Variants in GPR137 observed in about 807,000 individuals in gnomAD.
GPR137 encodes the protein integral membrane protein GPR137.
In GPR137, 20 loss-of-function variants were observed where a neutral mutation model predicts 38.9. The observed-to-expected ratio is 0.51, with a 90% CI of 0.36 to 0.75. The LOEUF is 0.75. Ranked by LOEUF, GPR137 falls within the 30% of genes least tolerant of loss-of-function variation. GPR137 has a pLI of 0.00. For missense variants in GPR137, 456 were observed against 526.4 expected, an observed-to-expected ratio of 0.87 and a Z score of 1.31; for synonymous variants, 226 against 235.8, an observed-to-expected ratio of 0.96 and a Z score of 0.38.
intron 1 of GPR137, among the ~76,000 whole-genome samples, chr11:64,276,084 G>A (rs1314247540): frequency 6.6e-6 from 1 of 152,064 alleles, no homozygotes; most frequent in Non-Finnish European, 1.5e-5. Context: ...TGTACCTTGG[G>A]CTGCCTTGGA....
In GPR137 at chr11:64,288,023, A is replaced by G. The variant is rs1475403084; in HGVS notation, c.634-42A>G. 1.2e-6 allele frequency: 2 copies of G among 1,604,590 alleles called. No homozygotes were observed. Among genetic ancestry groups the G allele is most frequent in the Admixed American group, 3.3e-5 (2 of 59,974 alleles). On this transcript the variant is annotated intron_variant, in intron 3 of 6. Coordinates refer to ENST00000438980, the MANE Select transcript of GPR137 (RefSeq NM_001170880.2). The surrounding 1 kb of genome is among the most constrained non-coding windows in gnomAD (Gnocchi z 5.5). ...TTCTCAGGGTGTAGAGGAAGCTGGG[A>G]GCCTTCTCTCCCTGAGGGTCCTCTG...
At chr11:64,281,217 C>G (rs545112206), upstream of GPR137, among the ~76,000 whole-genome samples, 1 of 152,202 alleles carries the variant, frequency 6.6e-6, no homozygotes, top group Non-Finnish European at 1.5e-5. Context: ...CTGCCCACCT[C>G]GAACTACCAA....
chr11:64,273,721 A>G (rs2032816731), upstream of GPR137, among the ~76,000 whole-genome samples: 1 of 152,044 alleles, frequency 6.6e-6, no homozygotes, highest in Admixed American at 6.6e-5. Flanking sequence ...CTCTACTAAA[A>G]ATACAAAAAA....
intron 2 of GPR137, among the ~76,000 whole-genome samples, chr11:64,277,309 C>A: frequency 6.6e-6 from 1 of 152,238 alleles, no homozygotes; most frequent in East Asian, 1.9e-4. Flanking sequence ...CCGCCTCCGG[C>A]ACCTGTAGGC....
At chr11:64,284,091 GC>G, upstream of GPR137, 1 of 1,441,156 alleles carries the variant, frequency 6.9e-7, no homozygotes, top group East Asian at 2.3e-5. Context: ...CCGACCCAAA[GC>G]ATTCAGTGCC....
upstream of GPR137, chr11:64,284,234 C>A (rs199973522): frequency 7.5e-6 from 12 of 1,608,196 alleles, no homozygotes; most frequent in Non-Finnish European, 1.0e-5. Flanking sequence ...TGGCGTCCCA[C>A]AGGAGGCCTG....
Position 64,288,700 on chromosome 11 carries a change from A to C in GPR137, c.1010A>C (p.His337Pro). ...GAAGATGAGGGCTGCTCCTGGGAGC[A>C]CAGCCGGGGTGAGAGCACCAGGTAG... ...HCEDEGCSWE[H>P]SRGESTSMSG... Residue 337 changes from histidine (H) to proline (P), a missense_variant, in exon 6 of 7, where the codon CAC becomes CCC. Transcript: ENST00000438980. The surrounding 1 kb of genome is among the most constrained non-coding windows in gnomAD (Gnocchi z 5.5). The C allele has an allele frequency of 3.8e-6, 6 of 1,573,130 alleles. No homozygotes were observed. Among genetic ancestry groups the C allele is most frequent in the Non-Finnish European group, 5.2e-6 (6 of 1,158,040 alleles).
At position 64,285,913 on chromosome 11, in the gene GPR137, C is replaced by T. The variant is rs1565356405; in HGVS notation, c.-612C>T. ...CGACCTGAGCCGGCTCTCCCATCAG[C>T]GGCCTGAGGACCTGGCGTCCGCCTC... On this transcript the variant is annotated 5_prime_UTR_variant, in exon 1 of 7. Coordinates refer to ENST00000438980, the MANE Select transcript of GPR137 (RefSeq NM_001170880.2). 6 of 966,090 alleles carry T rather than the reference C, an allele frequency of 6.2e-6. No individual in the cohort carries two copies. Among genetic ancestry groups the T allele is most frequent in the Non-Finnish European group, 7.4e-6 (6 of 812,514 alleles). The allele number at this position is 966,090 out of a possible 1,614,324, so 59.8% of individuals were successfully genotyped here.
upstream of GPR137, among the ~76,000 whole-genome samples, chr11:64,282,075 G>A (rs1230529555): frequency 6.6e-6 from 1 of 152,156 alleles, no homozygotes; most frequent in African/African-American, 2.4e-5. Flanking sequence ...ATGATAGGAT[G>A]CTTTTGTGCT....
At chr11:64,277,893 C>T (rs532190107) in intron 2 of GPR137, among the ~76,000 whole-genome samples, 33 of 152,330 alleles carry the variant, frequency 2.2e-4, no homozygotes, top group Non-Finnish European at 4.1e-4. Flanking sequence ...ATACACTGCA[C>T]CTTGCTGTGT....
upstream of GPR137, chr11:64,285,698 C>G: frequency 2.0e-6 from 2 of 985,266 alleles, no homozygotes; most frequent in Non-Finnish European, 2.4e-6. Context: ...TGCCGCCTCC[C>G]GTAACCCCGG....
At chr11:64,281,258 G>A (rs1055109156), upstream of GPR137, among the ~76,000 whole-genome samples, 4 of 152,152 alleles carry the variant, frequency 2.6e-5, no homozygotes, top group African/African-American at 4.8e-5. Context: ...GAGCCACCGC[G>A]CCCAGCCTAA....
upstream of GPR137, among the ~76,000 whole-genome samples, chr11:64,283,143 C>T (rs539105600): frequency 1.3e-5 from 2 of 152,156 alleles, no homozygotes; most frequent in Non-Finnish European, 2.9e-5. Flanking sequence ...CGTAAGAGAG[C>T]GAGGGGAAAG....
chr11:64,278,086 G>A lies in GPR137; in HGVS notation c.-16+1665G>A, dbSNP rs548236679. 1.7e-3 allele frequency among the ~76,000 whole-genome samples: 259 copies of A among 152,166 alleles called. 2 individuals are homozygous for A. The highest frequency in any genetic ancestry group is 2.9e-3 in the Non-Finnish European group (194 of 67,998). Reference sequence around the variant, plus strand: ...AAGGACTGCTTGAGGCCAGGAGTTCGAGACCAGCCTGAGCAACACAGAAAG... The same window carrying A: ...AAGGACTGCTTGAGGCCAGGAGTTCAAGACCAGCCTGAGCAACACAGAAAG... On this transcript the variant is annotated intron_variant, in intron 2 of 2. Coordinates refer to the GPR137 transcript ENST00000538244.
chr11:64,274,140 C>T (rs1359497631), upstream of GPR137, among the ~76,000 whole-genome samples: 2 of 152,226 alleles, frequency 1.3e-5, no homozygotes, highest in Non-Finnish European at 2.9e-5. Flanking sequence ...CGCCTTTAAT[C>T]CCAACACTTT....
intron 2 of GPR137, 122 bp from the exon 3 acceptor site, chr11:64,287,599 G>A (rs2034244446): frequency 9.9e-6 from 15 of 1,521,370 alleles, no homozygotes; most frequent in Non-Finnish European, 1.3e-5. Context: ...TAAGAGTGGA[G>A]GAACAGGGCT....
chr11:64,274,617 T>G (rs1044165716), upstream of GPR137, among the ~76,000 whole-genome samples: 1 of 151,784 alleles, frequency 6.6e-6, no homozygotes, highest in Admixed American at 6.6e-5. Flanking sequence ...GGTCAGGAGT[T>G]CGAGACCAGC....
At chr11:64,285,277 C>G, upstream of GPR137, 1 of 985,984 alleles carries the variant, frequency 1.0e-6, no homozygotes, top group Non-Finnish European at 1.2e-6. Flanking sequence ...GGAACCTCCT[C>G]CCTGGCTGGG....
upstream of GPR137, among the ~76,000 whole-genome samples, chr11:64,275,474 C>T (rs1331512552): frequency 6.6e-6 from 1 of 152,122 alleles, no homozygotes; most frequent in Admixed American, 6.5e-5. Context: ...GGCAGTTCCC[C>T]ATCTGCCAGG....
Sources: allele counts gnomAD v4.1 joint callset (sites outside exome capture counted in the v4.1 genomes callset), GRCh38; gene constraint gnomAD v4.1.1; non-coding constraint Gnocchi (gnomAD v3.1); transcripts MANE v1.5; gene names NCBI Gene and HGNC (gene_info 2026-07-23, HGNC 2026-07-21).